TTLL9: variants seen among roughly 807,000 people sequenced by gnomAD.
The protein encoded by TTLL9 is probable tubulin polyglutamylase TTLL9.
In TTLL9, 47 loss-of-function variants were observed where a neutral mutation model predicts 65.6. The ratio of observed to expected loss-of-function variants is 0.72; its 90% confidence interval spans 0.57 to 0.91. The LOEUF (loss-of-function observed/expected upper bound fraction) is 0.91, where lower values mean the gene tolerates loss of function less well. TTLL9 is among the 40% of genes least tolerant of loss of function. The probability of loss-of-function intolerance (pLI) is 0.00; values close to 1 mark genes in which losing one functional copy is unlikely to be tolerated. For synonymous variants in TTLL9, 179 were observed against 204.8 expected, an observed-to-expected ratio of 0.87 and a Z score of 1.07; for missense variants, 537 against 568.8, an observed-to-expected ratio of 0.94 and a Z score of 0.57.
At chr20:31,925,186 C>A in intron 9 of TTLL9, 137 bp downstream of exon 9, 1 of 875,346 alleles carries the variant, frequency 1.1e-6, no homozygotes, top group Non-Finnish European at 1.8e-6. Flanking sequence ...CCCCGAGGGA[C>A]ATCTAGGGAT....
chr20:31,909,779 C>T lies in TTLL9; in HGVS notation c.361C>T (p.Arg121Trp), dbSNP rs371713985. 2.6e-5 allele frequency: 42 copies of T among 1,613,982 alleles called. No homozygotes were observed. The highest frequency in any genetic ancestry group is 1.7e-4 in the Admixed American group (10 of 59,988). The change falls in exon 6 of 15, where the codon CGG becomes TGG. Residue 121 changes from arginine to tryptophan, a missense_variant. Arg to Trp is a moderately radical substitution (Grantham distance 101). Transcript: ENST00000535842. Reference protein sequence around the residue: ...NYMVKNLKRFRKQLEREAGKL... With the variant: ...NYMVKNLKRFWKQLEREAGKL... ...CATGGTGAAGAACCTGAAGCGGTTC[C>T]GGAAGCAGCTGGAGCGTGAGGCAGG...
intron 10 of TTLL9, among the ~76,000 whole-genome samples, chr20:31,929,944 A>G (rs1439118001): frequency 3.9e-5 from 6 of 152,078 alleles, no homozygotes; most frequent in African/African-American, 1.4e-4. Flanking sequence ...CCTGACCAAT[A>G]TGGTGAAACC....
rs780781817 is a variant in TTLL9 at position 31,933,876 on chromosome 20, G to A, written c.807+18G>A. The A allele has an allele frequency of 1.7e-5, 27 of 1,611,644 alleles. No individual in the cohort carries two copies. The highest frequency in any genetic ancestry group is 1.1e-4 in the East Asian group (5 of 44,770). Reference sequence around the variant, plus strand: ...CAAAGAAGGTGAGGAAGCCGGGCTCGGCTATGCACGGGTACAGCCCTCTGG... The same window carrying A: ...CAAAGAAGGTGAGGAAGCCGGGCTCAGCTATGCACGGGTACAGCCCTCTGG... On this transcript the variant is annotated intron_variant, in intron 11 of 14. Transcript: ENST00000535842.
rs376956749 is a variant in TTLL9, at chr20:31,939,322, G to C, written c.1243+56G>C. On this transcript the variant is annotated intron_variant, in intron 14 of 14. Transcript: ENST00000535842. ...AGGGATGGGGTCATGGGAGGTACCA[G>C]GTAGTCTAGGAGGCAGCTTGGGATA... The C allele has an allele frequency of 1.3e-4, 207 of 1,597,096 alleles. 4 individuals carry two copies. The East Asian group carries it at 1.7e-3, about 13-fold the overall frequency.
At position 31,909,798 on chromosome 20, in the gene TTLL9, A is replaced by T; in HGVS notation, c.380A>T (p.Glu127Val). Residue 127 changes from glutamate (E) to valine (V), a missense_variant, in exon 6 of 15, where the codon GAG becomes GTG. Physicochemically the swap from Glu to Val is moderately radical, Grantham distance 121. Transcript: ENST00000535842. ...LKRFRKQLER[E>V]AGKLEAAKCD... The stretch of plus-strand genomic sequence containing the variant: ...CGGTTCCGGAAGCAGCTGGAGCGTG[A>T]GGCAGGAAAGCTGGAGGCAGCCAAG... 6.2e-7 allele frequency: 1 copy of T among 1,614,198 alleles called. No individual in the cohort carries two copies. The highest frequency in any genetic ancestry group is 8.5e-7 in the Non-Finnish European group (1 of 1,180,022).
intron 4 of TTLL9, among the ~76,000 whole-genome samples, chr20:31,900,024 T>G (rs1208582567): frequency 1.3e-5 from 2 of 152,162 alleles, no homozygotes; most frequent in Non-Finnish European, 2.9e-5. Flanking sequence ...CCTCCTGAAG[T>G]GCTGGGATTA....
intron 14 of TTLL9, 101 bp from the exon 15 acceptor site, chr20:31,942,844 G>T: frequency 8.8e-7 from 1 of 1,134,470 alleles, no homozygotes; most frequent in South Asian, 1.3e-5. Context: ...GTGGTTGTCT[G>T]ACTCCCGCTG....
chr20:31,905,238 T>C, intron 4 of TTLL9, among the ~76,000 whole-genome samples: 1 of 151,858 alleles, frequency 6.6e-6, no homozygotes. Context: ...GCTGGGCTAG[T>C]TTTTGTGTTT....
intron 2 of TTLL9, among the ~76,000 whole-genome samples, chr20:31,872,031 A>T (rs1437385132): frequency 2.0e-5 from 3 of 152,182 alleles, no homozygotes; most frequent in Non-Finnish European, 1.5e-5. Context: ...AGCACATCTC[A>T]ATTCAGACAA....
intron 12 of TTLL9, 95 bp from the exon 13 acceptor site, chr20:31,937,301 G>A (rs996155073): frequency 2.8e-5 from 21 of 757,188 alleles, no homozygotes; most frequent in African/African-American, 2.6e-4. Context: ...TTGAATTGAC[G>A]GTGGGGTCCA....
At chr20:31,880,746 C>G (rs2123386376) in intron 2 of TTLL9, among the ~76,000 whole-genome samples, 1 of 152,154 alleles carries the variant, frequency 6.6e-6, no homozygotes, top group African/African-American at 2.4e-5. Context: ...CTCGGCCTCC[C>G]AAAGTGCTAG....
chr20:31,931,310 C>G (rs922965757), intron 10 of TTLL9, among the ~76,000 whole-genome samples: 3 of 152,128 alleles, frequency 2.0e-5, no homozygotes, highest in African/African-American at 4.8e-5. Flanking sequence ...AACTCCTGGG[C>G]TCAAGCGATC....
At chr20:31,934,994 G>T in intron 12 of TTLL9, 106 bp downstream of exon 12, 1 of 1,109,652 alleles carries the variant, frequency 9.0e-7, no homozygotes, top group Non-Finnish European at 1.3e-6. Context: ...GTATAACCTT[G>T]TGCACACTTA....
intron 6 of TTLL9, 80 bp from the exon 7 acceptor site, chr20:31,919,784 G>A: frequency 8.5e-7 from 1 of 1,182,774 alleles, no homozygotes; most frequent in East Asian, 2.7e-5. Flanking sequence ...CAGATATGCT[G>A]GGGAGAGCCC....
intron 3 of TTLL9, among the ~76,000 whole-genome samples, chr20:31,890,755 G>T (rs2063298182): frequency 6.6e-6 from 1 of 152,228 alleles, no homozygotes; most frequent in Non-Finnish European, 1.5e-5. Context: ...GAGAGACTTA[G>T]CGGATTTATC....
chr20:31,901,060 G>A (rs145878903), intron 4 of TTLL9, among the ~76,000 whole-genome samples: 4 of 152,282 alleles, frequency 2.6e-5, no homozygotes, highest in African/African-American at 9.6e-5. Flanking sequence ...CCTAAGCTGG[G>A]TCTGGAATTT....
chr20:31,905,434 A>T lies in TTLL9; in HGVS notation c.207-3157A>T, dbSNP rs2063540557. On this transcript the variant is annotated intron_variant, in intron 4 of 14. Coordinates refer to ENST00000535842, the MANE Select transcript of TTLL9 (RefSeq NM_001008409.5). ...GTTCTTGAAACCGTTCTTCCGAACCACTGTGCCTGGGGCACAGCCACAAGG... is the reference window on the plus strand; with the variant it reads ...GTTCTTGAAACCGTTCTTCCGAACCTCTGTGCCTGGGGCACAGCCACAAGG... Among the ~76,000 whole-genome samples, 3 of 152,282 alleles carry T rather than the reference A, an allele frequency of 2.0e-5. No homozygotes were observed. In the South Asian group the frequency reaches 6.2e-4, roughly 32 times the overall value.
Position 31,924,913 on chromosome 20 carries a change from G to T in TTLL9, c.665-96G>T, listed in dbSNP as rs2063873901. The T allele has an allele frequency of 2.2e-6, 3 of 1,357,096 alleles. No homozygotes were observed. The South Asian group carries it at 3.7e-5, about 17-fold the overall frequency. The allele number at this position is 1,357,096 out of a possible 1,614,324, so 84.1% of individuals were successfully genotyped here. On this transcript the variant is annotated intron_variant, in intron 8 of 14. Transcript: ENST00000535842. ...TTCAGCAGGAGCTTCATGAAGGCGGGGTTTCCTGTCTGTCCACTGCTATTT... is the reference window on the plus strand; with the variant it reads ...TTCAGCAGGAGCTTCATGAAGGCGGTGTTTCCTGTCTGTCCACTGCTATTT...
intron 3 of TTLL9, among the ~76,000 whole-genome samples, chr20:31,893,196 C>T (rs771498426): frequency 6.6e-6 from 1 of 151,632 alleles, no homozygotes; most frequent in African/African-American, 2.4e-5. Flanking sequence ...ATATAGAATT[C>T]GAGGTTGATC....
Sources: allele counts gnomAD v4.1 joint callset (sites outside exome capture counted in the v4.1 genomes callset), GRCh38; gene constraint gnomAD v4.1.1; transcripts MANE v1.5; gene names NCBI Gene and HGNC (gene_info 2026-07-23, HGNC 2026-07-21).